Variants in ZNF701 observed in about 807,000 individuals in gnomAD.
ZNF701 encodes zinc finger protein 701.
A neutral mutation model predicts 7.1 loss-of-function variants in ZNF701; 6 were observed. That is an observed-to-expected ratio of 0.84 (90% CI 0.46 to 1.66). The LOEUF (loss-of-function observed/expected upper bound fraction) is 1.66. ZNF701 is among the 40% of genes most tolerant of loss of function. The probability of loss-of-function intolerance (pLI) is 0.01; values close to 1 mark genes in which losing one functional copy is unlikely to be tolerated. For synonymous variants in ZNF701, 166 were observed against 188.2 expected, an observed-to-expected ratio of 0.88 and a Z score of 0.97; for missense variants, 541 against 559.2, an observed-to-expected ratio of 0.97 and a Z score of 0.33.
At chr19:52,597,148 G>T in the ZNF701 span, 1 of 680,820 alleles carries the variant, frequency 1.5e-6, no homozygotes, top group South Asian at 1.3e-5. Context: ...GTTTATCAGC[G>T]AACTCATACT....
At chr19:52,588,549 T>C, downstream of ZNF701, 1 of 367,898 alleles carries the variant, frequency 2.7e-6, no homozygotes. Context: ...TTCCAAAGAC[T>C]CATGCTATGT....
At chr19:52,579,507 C>T (rs1028425930) in intron 3 of ZNF701, among the ~76,000 whole-genome samples, 1 of 99,958 alleles carries the variant, frequency 1.0e-5, no homozygotes, top group African/African-American at 5.8e-5. Flanking sequence ...GCAACGAGAG[C>T]GAAACTCTGT....
downstream of ZNF701, among the ~76,000 whole-genome samples, chr19:52,588,862 G>A (rs748907668): frequency 6.6e-6 from 1 of 152,156 alleles, no homozygotes; most frequent in African/African-American, 2.4e-5. Context: ...TCATGCCTCA[G>A]CCTCTCAAGT....
Position 52,586,934 on chromosome 19 carries a change from C to G in ZNF701, c.*3477C>G, listed in dbSNP as rs1382804405. On this transcript the variant is annotated 3_prime_UTR_variant, in exon 4 of 4. Coordinates refer to ENST00000391785, the MANE Select transcript of ZNF701 (RefSeq NM_018260.3). ...TTGACCCACCTACATGGCTCCGTGT[C>G]CCCTGCAGGCCTCGCCCCGGAGCTC... 2.6e-5 allele frequency: 4 copies of G among 152,174 alleles called. No homozygotes were observed. The highest frequency in any genetic ancestry group is 4.8e-5 in the African/African-American group (2 of 41,444). The allele number at this position is 152,174 out of a possible 1,614,324, so 9.4% of individuals were successfully genotyped here.
At chr19:52,595,188 T>C in the ZNF701 span, among the ~76,000 whole-genome samples, 2 of 152,138 alleles carry the variant, frequency 1.3e-5, no homozygotes, top group Non-Finnish European at 1.5e-5. Flanking sequence ...TCTTAAACTT[T>C]GAAGATCACT....
intron 3 of ZNF701, among the ~76,000 whole-genome samples, chr19:52,581,193 TG>T (rs1236029957): frequency 6.6e-6 from 1 of 152,174 alleles, no homozygotes; most frequent in African/African-American, 2.4e-5. Context: ...TAGATAATTT[TG>T]TAACAGTTAT....
At chr19:52,577,628 C>G (rs2059943660) in intron 3 of ZNF701, among the ~76,000 whole-genome samples, 1 of 151,992 alleles carries the variant, frequency 6.6e-6, no homozygotes, top group South Asian at 2.1e-4. Flanking sequence ...AGCCCTCTGT[C>G]ACACCCGCAT....
intron 3 of ZNF701, among the ~76,000 whole-genome samples, chr19:52,576,749 C>A: frequency 6.6e-6 from 1 of 151,996 alleles, no homozygotes; most frequent in East Asian, 1.9e-4. Context: ...GTCTTCTTTC[C>A]TACAGAAATA....
Position 52,585,650 on chromosome 19 carries a change from C to A in ZNF701, c.*2193C>A, listed in dbSNP as rs776612527. 6.6e-6 allele frequency: 1 copy of A among 151,808 alleles called. No individual in the cohort carries two copies. Among genetic ancestry groups the A allele is most frequent in the African/African-American group, 2.4e-5 (1 of 41,356 alleles). 9.4% of individuals were successfully genotyped at this position (151,808 alleles called of 1,614,324 possible). A position where few individuals can be genotyped will look rare whatever the true frequency, so the allele number is the denominator to read the frequency against. On this transcript the variant is annotated 3_prime_UTR_variant, in exon 4 of 4. Transcript: ENST00000391785. ...GCACCCCACAGGGTGGGGGTGGGCC[C>A]AAGCGAGCGTCTCCAGGGCCCCATT...
Position 52,583,336 on chromosome 19 carries a change from C to G in ZNF701, c.1277C>G (p.Ala426Gly). Residue 426 changes from alanine (A) to glycine (G), a missense_variant, in exon 4 of 4, where the codon GCA becomes GGA. By Grantham distance (60) the Ala-to-Gly change is moderately conservative. Transcript: ENST00000391785. ...GKVFNHKSNLACHRRLHTGEK... is the reference protein window; with the variant it reads ...GKVFNHKSNLGCHRRLHTGEK... ...GTTTTTAATCACAAATCAAACCTTG[C>G]ATGTCATCGTAGACTTCATACTGGA... 1 of 1,604,102 alleles carries G rather than the reference C, an allele frequency of 6.2e-7. No homozygotes were observed. The highest frequency in any genetic ancestry group is 8.5e-7 in the Non-Finnish European group (1 of 1,172,114).
At chr19:52,573,941 TTTA>T in intron 1 of ZNF701, 133 bp from the exon 2 acceptor site, 1 of 926,762 alleles carries the variant, frequency 1.1e-6, no homozygotes, top group Middle Eastern at 2.2e-4. Context: ...CTTATAGAAA[TTTA>T]TTATCCCTGG....
chr19:52,596,138 G>A, the ZNF701 span: 1 of 797,132 alleles, frequency 1.3e-6, no homozygotes, highest in Middle Eastern at 2.5e-4. Context: ...GTGTGGCAAA[G>A]CCTTTAATCA....
At position 52,586,324 on chromosome 19, in the gene ZNF701, G is replaced by A. The variant is rs1010867430; in HGVS notation, c.*2867G>A. 2 of 151,906 alleles carry A rather than the reference G, an allele frequency of 1.3e-5. No individual in the cohort carries two copies. The highest frequency in any genetic ancestry group is 4.8e-5 in the African/African-American group (2 of 41,342). The allele number at this position is 151,906 out of a possible 1,614,324, so 9.4% of individuals were successfully genotyped here. A position where few individuals can be genotyped will look rare whatever the true frequency, so the allele number is the denominator to read the frequency against. On this transcript the variant is annotated 3_prime_UTR_variant, in exon 4 of 4. Coordinates refer to ENST00000391785, the MANE Select transcript of ZNF701 (RefSeq NM_018260.3). ...CCCAAAGTGCTGGGATTACAGGCTT[G>A]AGCCACCATGCCCGCCTTATTTCTT...
chr19:52,596,986 A>G, the ZNF701 span: 7 of 895,876 alleles, frequency 7.8e-6, no homozygotes, highest in Non-Finnish European at 1.2e-5. Context: ...CAAGCAATCC[A>G]TGGTGTAGGG....
the ZNF701 span, chr19:52,597,771 A>G: frequency 1.5e-5 from 3 of 198,228 alleles, no homozygotes; most frequent in South Asian, 8.6e-5. Flanking sequence ...CTTGAGGGCA[A>G]GGTCTGGAAG....
intron 1 of ZNF701, among the ~76,000 whole-genome samples, 197 bp from the exon 2 acceptor site, chr19:52,573,880 C>A (rs1363094587): frequency 6.6e-6 from 1 of 152,164 alleles, no homozygotes; most frequent in Non-Finnish European, 1.5e-5. Context: ...CAGCCCAGCT[C>A]CCCACTGCTG....
At chr19:52,596,534 C>T in the ZNF701 span, 3 of 409,128 alleles carry the variant, frequency 7.3e-6, no homozygotes, top group Non-Finnish European at 1.5e-5. Context: ...AGAAATGTTA[C>T]ACATGTAACG....
chr19:52,575,994 G>C lies in ZNF701; in HGVS notation c.115G>C (p.Glu39Gln), dbSNP rs776941791. 2 of 1,585,614 alleles carry C rather than the reference G, an allele frequency of 1.3e-6. No homozygotes were observed. The highest frequency in any genetic ancestry group is 1.7e-6 in the Non-Finnish European group (2 of 1,172,070). ...GACTCTATACAGAGACGTGATGCTG[G>C]AGAATTATAGGAACCTGGTCTCCCT... is the stretch of plus-strand genomic sequence containing the variant. Reference protein sequence around the residue: ...QRTLYRDVMLENYRNLVSLDT... With the variant: ...QRTLYRDVMLQNYRNLVSLDT... Residue 39 changes from glutamate (E) to glutamine (Q), a missense_variant, in exon 3 of 4, where the codon GAG becomes CAG. By Grantham distance (29) the Glu-to-Gln change is conservative. Transcript: ENST00000391785.
rs958084081 is a variant in ZNF701 at position 52,579,391 on chromosome 19, C to T, written c.143-2811C>T. Among the ~76,000 whole-genome samples the T allele has an allele frequency of 1.0e-4, 14 of 140,632 alleles. 2 individuals are homozygous for T. The highest frequency in any genetic ancestry group is 1.5e-4 in the Non-Finnish European group (10 of 67,492). 92.3% of individuals were successfully genotyped at this position (140,632 alleles called of 152,430 possible). On this transcript the variant is annotated intron_variant, in intron 3 of 3. Coordinates refer to ENST00000391785, the MANE Select transcript of ZNF701 (RefSeq NM_018260.3). The stretch of plus-strand genomic sequence containing the variant: ...ATACAAAATTAGCCGGGTGTGGTGG[C>T]GGGCACTTGTAATCCCAGCTACTCG...
Sources: gnomAD v4.1 joint callset for allele counts (sites outside exome capture counted in the v4.1 genomes callset) on GRCh38, gnomAD v4.1.1 for gene constraint, MANE v1.5 for transcripts, NCBI Gene and HGNC (gene_info 2026-07-23, HGNC 2026-07-21) for gene names.